The following APH1B variants were observed in gnomAD, a reference collection of about 807,000 sequenced individuals.
APH1B encodes the protein gamma-secretase subunit APH-1B.
A neutral mutation model predicts 28.2 loss-of-function variants in APH1B; 27 were observed. That is an observed-to-expected ratio of 0.96 (90% CI 0.70 to 1.32). The LOEUF (loss-of-function observed/expected upper bound fraction) is 1.32, where lower values mean the gene tolerates loss of function less well. Among genes scored for constraint, APH1B ranks in the 40% most tolerant of loss-of-function variants. The pLI, the probability that APH1B is intolerant of heterozygous loss-of-function variation, is 0.00. For missense variants in APH1B, 305 were observed against 313.6 expected, an observed-to-expected ratio of 0.97 and a Z score of 0.21; for synonymous variants, 141 against 124.6, an observed-to-expected ratio of 1.13 and a Z score of -0.88.
intron 2 of APH1B, among the ~76,000 whole-genome samples, chr15:63,280,454 A>G (rs2038373504): frequency 6.6e-6 from 1 of 152,102 alleles, no homozygotes; most frequent in South Asian, 2.1e-4. Flanking sequence ...TTTCGTGGAT[A>G]TAACCAAGAG....
chr15:63,279,634 T>C (rs2038363974), intron 2 of APH1B, among the ~76,000 whole-genome samples: 1 of 152,136 alleles, frequency 6.6e-6, no homozygotes, highest in South Asian at 2.1e-4. Context: ...GGAGCTTATA[T>C]TATAGTAGGA....
rs2038627580 is a variant in APH1B, at chr15:63,301,575, T to C, written c.479-770T>C. On this transcript the variant is annotated intron_variant, in intron 4 of 5. Transcript: ENST00000261879. ...TGTAGATAATTACTGTGATTTTAAATATTTTTCTTTTCTTTCTTCTTCTTC... is the reference window on the plus strand; with the variant it reads ...TGTAGATAATTACTGTGATTTTAAACATTTTTCTTTTCTTTCTTCTTCTTC... Among the ~76,000 whole-genome samples the C allele has an allele frequency of 2.6e-5, 4 of 152,112 alleles. No homozygotes were observed. In the South Asian group the frequency reaches 8.3e-4, roughly 31 times the overall value.
At position 63,279,346 on chromosome 15, in the gene APH1B, T is replaced by A; in HGVS notation, c.284+15T>A. The A allele has an allele frequency of 1.3e-6, 2 of 1,577,498 alleles. No homozygotes were observed. Among genetic ancestry groups the A allele is most frequent in the Admixed American group, 1.7e-5 (1 of 57,606 alleles). On this transcript the variant is annotated intron_variant, in intron 2 of 5. Coordinates refer to ENST00000261879, the MANE Select transcript of APH1B (RefSeq NM_031301.4). ...AAACTCTTAAAGTAAGTTAAATACC[T>A]GCCTTACCTTTTTTTTCCCCAGTTA...
intron 2 of APH1B, among the ~76,000 whole-genome samples, chr15:63,281,828 T>A (rs896186066): frequency 6.6e-6 from 1 of 152,076 alleles, no homozygotes; most frequent in Admixed American, 6.6e-5. Flanking sequence ...TCCACTTTTT[T>A]AATGAGGGCA....
At chr15:63,283,743 A>G (rs952946048) in intron 2 of APH1B, among the ~76,000 whole-genome samples, 1 of 152,110 alleles carries the variant, frequency 6.6e-6, no homozygotes, top group African/African-American at 2.4e-5. Flanking sequence ...GTTTAGGTGT[A>G]TGTATTTGAG....
At chr15:63,284,947 T>C (rs891339476) in intron 2 of APH1B, among the ~76,000 whole-genome samples, 2 of 152,248 alleles carry the variant, frequency 1.3e-5, no homozygotes, top group African/African-American at 4.8e-5. Flanking sequence ...ACAGAGATTT[T>C]TACTATATAT....
In APH1B at chr15:63,305,764, A is replaced by T; in HGVS notation, c.757A>T (p.Asn253Tyr). The T allele has an allele frequency of 6.2e-7, 1 of 1,614,080 alleles. No individual in the cohort carries two copies. Among genetic ancestry groups the T allele is most frequent in the Non-Finnish European group, 8.5e-7 (1 of 1,180,008 alleles). ...CCAAGACAAGAACTTTCTTCTTTACAACCAGCGCTCCAGATAACCTCAGGG... is the reference window on the plus strand; with the variant it reads ...CCAAGACAAGAACTTTCTTCTTTACTACCAGCGCTCCAGATAACCTCAGGG... ...LCQDKNFLLY[N>Y]QRSR The change falls in exon 6 of 6, where the codon AAC (asparagine) becomes TAC (tyrosine). Residue 253 changes from asparagine (N) to tyrosine (Y), a missense_variant. Transcript: ENST00000261879.
At chr15:63,303,098 A>G (rs1262203498) in intron 5 of APH1B, among the ~76,000 whole-genome samples, 1 of 152,242 alleles carries the variant, frequency 6.6e-6, no homozygotes, top group Admixed American at 6.5e-5. Flanking sequence ...ATTTCAGAGA[A>G]TGATTACATA....
intron 4 of APH1B, among the ~76,000 whole-genome samples, chr15:63,301,096 A>G (rs746861420): frequency 3.3e-5 from 5 of 152,188 alleles, no homozygotes; most frequent in Non-Finnish European, 7.3e-5. Context: ...CTCCCACCCC[A>G]TTGTTTCTGA....
chr15:63,277,777 C>T (rs2038340595), intron 1 of APH1B, 41 bp downstream of exon 1: 1 of 1,582,918 alleles, frequency 6.3e-7, no homozygotes, highest in Non-Finnish European at 8.6e-7. Context: ...CCGGGGCTCC[C>T]CTCCCCCGCT....
Position 63,305,610 on chromosome 15 carries a change from G to C in APH1B, c.607-4G>C. On this transcript the variant is annotated splice_region_variant and splice_polypyrimidine_tract_variant and intron_variant, in intron 5 of 5. Coordinates refer to ENST00000261879, the MANE Select transcript of APH1B (RefSeq NM_031301.4). ...ACCCAAGCTGATTTATTTTTCTTTTGCAGACCTTCATAAGTTCTTATTATG... is the reference window on the plus strand; with the variant it reads ...ACCCAAGCTGATTTATTTTTCTTTTCCAGACCTTCATAAGTTCTTATTATG... 6.2e-7 allele frequency: 1 copy of C among 1,613,554 alleles called. No individual in the cohort carries two copies. Among genetic ancestry groups the C allele is most frequent in the Non-Finnish European group, 8.5e-7 (1 of 1,179,866 alleles).
intron 4 of APH1B, among the ~76,000 whole-genome samples, chr15:63,294,977 T>G (rs145898561): frequency 2.6e-3 from 394 of 152,342 alleles, no homozygotes; most frequent in Non-Finnish European, 2.9e-3. Flanking sequence ...TGGAATTCCA[T>G]CCTTCCAGGT....
intron 1 of APH1B, among the ~76,000 whole-genome samples, chr15:63,278,670 C>G (rs984586805): frequency 2.0e-5 from 3 of 152,182 alleles, no homozygotes; most frequent in Non-Finnish European, 4.4e-5. Context: ...TTATACCAGT[C>G]ACTTTATTAA....
In APH1B at chr15:63,279,305, C is replaced by A. The variant is rs1260710248; in HGVS notation, c.258C>A (p.Phe86Leu). The A allele has an allele frequency of 6.2e-7, 1 of 1,607,880 alleles. No homozygotes were observed. Among genetic ancestry groups the A allele is most frequent in the African/African-American group, 1.3e-5 (1 of 74,822 alleles). ...TCTCTGTCTATATCCAAGAAATGTT[C>A]CGATTTGCATATTATAAACTCTTAA... ...AFVSVYIQEMFRFAYYKLLKK... is the reference protein window; with the variant it reads ...AFVSVYIQEMLRFAYYKLLKK... Residue 86 changes from phenylalanine to leucine, a missense_variant, in exon 2 of 6, where the codon TTC (phenylalanine) becomes TTA (leucine). By Grantham distance (22) the Phe-to-Leu change is conservative. Transcript: ENST00000261879.
Position 63,308,463 on chromosome 15 carries a change from A to G in APH1B, c.*2682A>G, listed in dbSNP as rs2038709455. 6.6e-6 allele frequency: 1 copy of G among 152,250 alleles called. No homozygotes were observed. The highest frequency in any genetic ancestry group is 1.5e-5 in the Non-Finnish European group (1 of 68,040). 9.4% of individuals were successfully genotyped at this position (152,250 alleles called of 1,614,324 possible). A position where few individuals can be genotyped will look rare whatever the true frequency, so the allele number is the denominator to read the frequency against. On this transcript the variant is annotated 3_prime_UTR_variant, in exon 6 of 6. Transcript: ENST00000261879. ...GAAAGGAATTAATGATGATATCTGC[A>G]GACTGCGTAGAAAATGGCTTTTGTT...
chr15:63,287,434 G>T lies in APH1B; in HGVS notation c.366G>T (p.Leu122Phe). Reference protein sequence around the residue: ...SMRLLAYVSGLGFGIMSGVFS... With the variant: ...SMRLLAYVSGFGFGIMSGVFS... ...TTTCTTCCTGTTTAGTTTCTGGCTTGGGCTTTGGAATCATGAGTGGAGTAT... is the reference window on the plus strand; with the variant it reads ...TTTCTTCCTGTTTAGTTTCTGGCTTTGGCTTTGGAATCATGAGTGGAGTAT... The change falls in exon 4 of 6, where the codon TTG (leucine) becomes TTT (phenylalanine). Residue 122 changes from leucine (L) to phenylalanine (F), a missense_variant. Physicochemically the swap from Leu to Phe is conservative, Grantham distance 22. Transcript: ENST00000261879. The T allele has an allele frequency of 6.2e-7, 1 of 1,613,644 alleles. No individual in the cohort carries two copies.
At chr15:63,292,899 A>C (rs1377376059) in intron 4 of APH1B, among the ~76,000 whole-genome samples, 1 of 152,236 alleles carries the variant, frequency 6.6e-6, no homozygotes, top group Admixed American at 6.5e-5. Flanking sequence ...ATTGCTTCAC[A>C]GTCTCTAGCT....
At position 63,286,627 on chromosome 15, in the gene APH1B, T is replaced by C. The variant is rs749747507; in HGVS notation, c.354T>C (p.Tyr118=). 6.2e-7 allele frequency: 1 copy of C among 1,604,990 alleles called. No homozygotes were observed. Among genetic ancestry groups the C allele is most frequent in the Non-Finnish European group, 8.5e-7 (1 of 1,176,850 alleles). The change falls in exon 3 of 6, where the codon TAT becomes TAC. Residue 118 remains tyrosine, a splice_region_variant and synonymous_variant. Coordinates refer to ENST00000261879, the MANE Select transcript of APH1B (RefSeq NM_031301.4). Reference sequence around the variant, plus strand: ...CACCCTCTATGCGACTGCTGGCCTATGGTAAGTTAGAACCACATGGTTTCA... The same window carrying C: ...CACCCTCTATGCGACTGCTGGCCTACGGTAAGTTAGAACCACATGGTTTCA... ...ETAPSMRLLA[Y]VSGLGFGIMS... is the part of the protein sequence containing the mutation.
At chr15:63,285,632 C>CTTTAT (rs2038437108) in intron 2 of APH1B, among the ~76,000 whole-genome samples, 1 of 152,102 alleles carries the variant, frequency 6.6e-6, no homozygotes. Context: ...AAGATCACTT[C>CTTTAT]TTTATTTTAT....
Sources: allele counts gnomAD v4.1 joint callset (sites outside exome capture counted in the v4.1 genomes callset), GRCh38; gene constraint gnomAD v4.1.1; transcripts MANE v1.5; gene names NCBI Gene and HGNC (gene_info 2026-07-23, HGNC 2026-07-21).